GRIK1: variants seen among roughly 807,000 people sequenced by gnomAD.
GRIK1 encodes glutamate ionotropic receptor kainate type subunit 1.
A neutral mutation model predicts 105.7 loss-of-function variants in GRIK1; 69 were observed. That is an observed-to-expected ratio of 0.65 (90% CI 0.54 to 0.80). The LOEUF (loss-of-function observed/expected upper bound fraction) is 0.80, where lower values mean the gene tolerates loss of function less well. Among genes scored for constraint, GRIK1 ranks in the 30% least tolerant of loss-of-function variants. The probability of loss-of-function intolerance (pLI) is 0.00; values close to 1 mark genes in which losing one functional copy is unlikely to be tolerated. For synonymous variants in GRIK1, 438 were observed against 431.3 expected, an observed-to-expected ratio of 1.02 and a Z score of -0.19; for missense variants, 1,109 against 1,167.3, an observed-to-expected ratio of 0.95 and a Z score of 0.73.
At chr21:29,668,180 G>A (rs989493798) in intron 4 of GRIK1, among the ~76,000 whole-genome samples, 1 of 152,158 alleles carries the variant, frequency 6.6e-6, no homozygotes, top group African/African-American at 2.4e-5. Context: ...AGGGATTTGG[G>A]GGAAAAGGAC....
At chr21:29,796,881 A>G (rs1352041103) in intron 1 of GRIK1, among the ~76,000 whole-genome samples, 1 of 152,054 alleles carries the variant, frequency 6.6e-6, no homozygotes, top group Non-Finnish European at 1.5e-5. Flanking sequence ...CTGGGGAGGA[A>G]GAGGTTTCAG....
intron 7 of GRIK1, among the ~76,000 whole-genome samples, chr21:29,618,767 G>A (rs2061910438): frequency 6.6e-6 from 1 of 152,172 alleles, no homozygotes; most frequent in Admixed American, 6.5e-5. Flanking sequence ...CTTAGGAATA[G>A]AAAACCAAAC....
chr21:29,652,539 A>G (rs766685834), intron 5 of GRIK1, among the ~76,000 whole-genome samples: 1 of 152,330 alleles, frequency 6.6e-6, no homozygotes, highest in South Asian at 2.1e-4. Context: ...CAGGAAAAAA[A>G]GTTGAACTCA....
At position 29,939,310 on chromosome 21, in the gene GRIK1, C is replaced by G. The variant is rs541417217; in HGVS notation, c.118+73G>C. ...CTGCGCCGCCGCGCGCTGCCTCGCCCGGGACCCGCTACACCCGCGTTGGTG... is the reference window on the plus strand; with the variant it reads ...CTGCGCCGCCGCGCGCTGCCTCGCCGGGGACCCGCTACACCCGCGTTGGTG... On this transcript the variant is annotated intron_variant, in intron 1 of 17. Transcript: ENST00000327783. The G allele has an allele frequency of 1.1e-5, 10 of 906,688 alleles. No individual in the cohort carries two copies. The African/African-American group carries it at 1.2e-4, about 11-fold the overall frequency. 56.2% of individuals were successfully genotyped at this position (906,688 alleles called of 1,614,324 possible).
chr21:29,582,350 C>T (rs539680165), intron 12 of GRIK1: 62 of 470,480 alleles, frequency 1.3e-4, no homozygotes, highest in African/African-American at 1.0e-3. Context: ...AACCCTGGTT[C>T]GGTAAGTGGT....
chr21:29,613,471 C>T (rs772264221), intron 7 of GRIK1, among the ~76,000 whole-genome samples: 5 of 152,178 alleles, frequency 3.3e-5, no homozygotes, highest in Non-Finnish European at 7.3e-5. Context: ...AGCTTGTCAG[C>T]TCCATAGATC....
chr21:29,803,616 G>A (rs1376663852), intron 1 of GRIK1, among the ~76,000 whole-genome samples: 1 of 152,112 alleles, frequency 6.6e-6, no homozygotes, highest in East Asian at 1.9e-4. Context: ...ATGGCCCCAT[G>A]TGCACTCTGA....
chr21:29,554,957 T>A (rs1393795699), intron 16 of GRIK1, 95 bp downstream of exon 16: 3 of 1,055,118 alleles, frequency 2.8e-6, no homozygotes, highest in Non-Finnish European at 4.1e-6. Flanking sequence ...TCTAATTCAA[T>A]AGACTGAAAA....
intron 16 of GRIK1, among the ~76,000 whole-genome samples, chr21:29,543,193 AACTTC>A (rs1271869945): frequency 6.6e-6 from 1 of 152,272 alleles, no homozygotes; most frequent in Non-Finnish European, 1.5e-5. Flanking sequence ...GAAAGACAAA[AACTTC>A]ACTTCCTTAA....
intron 7 of GRIK1, among the ~76,000 whole-genome samples, chr21:29,632,694 A>C (rs1396331377): frequency 6.6e-6 from 1 of 152,198 alleles, no homozygotes; most frequent in African/African-American, 2.4e-5. Flanking sequence ...TTCTTTAATC[A>C]ATGTGGGGTA....
chr21:29,769,052 T>A (rs2065746249), intron 1 of GRIK1, among the ~76,000 whole-genome samples: 1 of 152,190 alleles, frequency 6.6e-6, no homozygotes, highest in Non-Finnish European at 1.5e-5. Context: ...GATTATTATA[T>A]TTGCTAGATT....
chr21:29,795,027 A>ATTTTTTTTTTTTTTTTTTTTTTTTTTTT, intron 1 of GRIK1, among the ~76,000 whole-genome samples: 1 of 82,152 alleles, frequency 1.2e-5, no homozygotes, highest in Non-Finnish European at 2.4e-5. Context: ...CTTTGCTCTA[A>ATTTTTTTTTTTTTTTTTTTTTTTTTTTT]ATTTTTTTTT....
intron 1 of GRIK1, among the ~76,000 whole-genome samples, chr21:29,861,284 A>G (rs2068627387): frequency 6.7e-6 from 1 of 149,712 alleles, no homozygotes; most frequent in Admixed American, 6.8e-5. Context: ...CATTAAGATG[A>G]TAACTGTAGC....
At chr21:29,599,260 T>C (rs760323134) in intron 7 of GRIK1, among the ~76,000 whole-genome samples, 1 of 152,200 alleles carries the variant, frequency 6.6e-6, no homozygotes, top group Non-Finnish European at 1.5e-5. Context: ...TATTCTGTTT[T>C]CCAAGGTCAA....
chr21:29,652,237 C>A (rs1193734566), intron 5 of GRIK1, among the ~76,000 whole-genome samples: 1 of 152,196 alleles, frequency 6.6e-6, no homozygotes, highest in African/African-American at 2.4e-5. Flanking sequence ...GCAGTACCCA[C>A]TCTTCTCCAC....
chr21:29,677,958 G>A (rs1005378562), intron 3 of GRIK1, among the ~76,000 whole-genome samples: 2 of 152,126 alleles, frequency 1.3e-5, no homozygotes, highest in Non-Finnish European at 1.5e-5. Context: ...ATCCATTGCT[G>A]GATAGCTTTA....
At chr21:29,612,149 T>C (rs994055788) in intron 7 of GRIK1, among the ~76,000 whole-genome samples, 28 of 152,330 alleles carry the variant, frequency 1.8e-4, no homozygotes, top group Admixed American at 1.4e-3. Context: ...CCAACTGGAA[T>C]TGACACATAG....
chr21:29,805,741 C>T (rs576745607), intron 1 of GRIK1, among the ~76,000 whole-genome samples: 13 of 152,234 alleles, frequency 8.5e-5, no homozygotes, highest in African/African-American at 3.1e-4. Flanking sequence ...TGCTAGTCAG[C>T]CATTATGGTG....
intron 7 of GRIK1, among the ~76,000 whole-genome samples, chr21:29,641,504 T>A (rs2062509417): frequency 6.6e-6 from 1 of 152,214 alleles, no homozygotes; most frequent in South Asian, 2.1e-4. Context: ...TATGTCTTTA[T>A]CAGCAGCATG....
Sources: allele counts gnomAD v4.1 joint callset (sites outside exome capture counted in the v4.1 genomes callset), GRCh38; gene constraint gnomAD v4.1.1; transcripts MANE v1.5; gene names NCBI Gene and HGNC (gene_info 2026-07-23, HGNC 2026-07-21).